NMT1: variants seen among roughly 807,000 people sequenced by gnomAD.
The protein encoded by NMT1 is N-myristoyltransferase 1.
Under a neutral mutation model 63.4 loss-of-function variants are expected in NMT1, and 12 were observed. That is an observed-to-expected ratio of 0.19 (90% CI 0.12 to 0.31). The LOEUF is 0.31. NMT1 is among the 10% of genes least tolerant of loss of function. The pLI is 1.00. For synonymous variants in NMT1, 228 were observed against 234.3 expected (o/e 0.97, Z 0.25); for missense variants, 432 against 634.6 (o/e 0.68, Z 3.43).
chr17:45,098,693 G>A (rs1284414785), intron 7 of NMT1, 141 bp downstream of exon 7: 1 of 713,052 alleles, frequency 1.4e-6, no homozygotes, highest in South Asian at 1.8e-5. Context: ...GGTGCCTGCA[G>A]GAGCCAGATG....
rs1315035585 is a variant in NMT1 at position 45,107,330 on chromosome 17, A to G, written c.*1691A>G. 2 of 152,650 alleles carry G rather than the reference A, an allele frequency of 1.3e-5. No homozygotes were observed. Among genetic ancestry groups the G allele is most frequent in the Non-Finnish European group, 2.9e-5 (2 of 68,044 alleles). 9.5% of individuals were successfully genotyped at this position (152,650 alleles called of 1,614,324 possible). A position where few individuals can be genotyped will look rare whatever the true frequency, so the allele number is the denominator to read the frequency against. On this transcript the variant is annotated 3_prime_UTR_variant, in exon 12 of 12. Transcript: ENST00000258960. Reference sequence around the variant, plus strand: ...CGCTCTGCAGACTGCTGCTAGAGCCAGCAACTCCACTAAGGTGGATTTTCA... The same window carrying G: ...CGCTCTGCAGACTGCTGCTAGAGCCGGCAACTCCACTAAGGTGGATTTTCA...
chr17:45,062,580 A>G (rs903061411), intron 1 of NMT1, among the ~76,000 whole-genome samples: 7 of 152,136 alleles, frequency 4.6e-5, no homozygotes, highest in African/African-American at 1.7e-4. Context: ...TATCCTTTCT[A>G]TGTTTAGGTA....
intron 3 of NMT1, among the ~76,000 whole-genome samples, chr17:45,090,711 G>C (rs1376320664): frequency 6.6e-6 from 1 of 152,162 alleles, no homozygotes; most frequent in Non-Finnish European, 1.5e-5. Flanking sequence ...AGAATTTTGA[G>C]GGAAGAGTGT....
intron 1 of NMT1, among the ~76,000 whole-genome samples, chr17:45,075,222 G>A (rs138859178): frequency 0.017 from 2,565 of 152,236 alleles, 56 homozygotes; most frequent in South Asian, 0.07. Flanking sequence ...GGTGGCTCAC[G>A]CCTGTAATCC....
chr17:45,070,599 AG>A (rs2053933632), intron 1 of NMT1, among the ~76,000 whole-genome samples: 1 of 152,068 alleles, frequency 6.6e-6, no homozygotes, highest in South Asian at 2.1e-4. Flanking sequence ...TTGTATTTTT[AG>A]TAGAGACGGG....
At chr17:45,098,275 C>A in intron 6 of NMT1, 107 bp from the exon 7 acceptor site, 1 of 1,029,702 alleles carries the variant, frequency 9.7e-7, no homozygotes. Context: ...TAAAAGTACA[C>A]CCGTGCTGCA....
rs1396470954 is a variant in NMT1 at position 45,105,164 on chromosome 17, T to C, written c.1470+168T>C. On this transcript the variant is annotated intron_variant, in intron 11 of 11. Coordinates refer to ENST00000258960, the MANE Select transcript of NMT1 (RefSeq NM_021079.5). The surrounding 1 kb of genome is among the most constrained non-coding windows in gnomAD (Gnocchi z 4.2). Reference sequence around the variant, plus strand: ...GCTGGCCAGACCAGCAGGTCAGCGTTCCCCTCTCAGCAACTGGTGTGAGGA... The same window carrying C: ...GCTGGCCAGACCAGCAGGTCAGCGTCCCCCTCTCAGCAACTGGTGTGAGGA... 6.6e-6 allele frequency among the ~76,000 whole-genome samples: 1 copy of C among 152,066 alleles called. No individual in the cohort carries two copies. The highest frequency in any genetic ancestry group is 1.5e-5 in the Non-Finnish European group (1 of 68,012).
At position 45,105,012 on chromosome 17, in the gene NMT1, C is replaced by T; in HGVS notation, c.1470+16C>T. The stretch of plus-strand genomic sequence containing the variant: ...GGCAGAGAAGGTAGGCGACACATAG[C>T]CAGAGTCCAGGCTGCCCGGCCCAGG... On this transcript the variant is annotated intron_variant, in intron 11 of 11. Coordinates refer to ENST00000258960, the MANE Select transcript of NMT1 (RefSeq NM_021079.5). The surrounding 1 kb of genome is among the most constrained non-coding windows in gnomAD (Gnocchi z 4.2). 6.2e-7 allele frequency: 1 copy of T among 1,613,954 alleles called. No homozygotes were observed. The highest frequency in any genetic ancestry group is 8.5e-7 in the Non-Finnish European group (1 of 1,179,960).
chr17:45,061,451 A>G lies in NMT1; in HGVS notation c.122A>G (p.Tyr41Cys), dbSNP rs756247053. ...SDCENEEDNSYNRGGLSPAND... is the reference protein window; with the variant it reads ...SDCENEEDNSCNRGGLSPAND... ...TGCGAGAATGAGGAGGACAACAGCT[A>G]CAACCGGGGGTAACGAAATCCTCGG... is the stretch of plus-strand genomic sequence containing the variant. The change falls in exon 1 of 12, where the codon TAC (tyrosine) becomes TGC (cysteine). Residue 41 changes from tyrosine to cysteine, a missense_variant. By Grantham distance (194) the Tyr-to-Cys change is radical. Coordinates refer to ENST00000258960, the MANE Select transcript of NMT1 (RefSeq NM_021079.5). 6.2e-7 allele frequency: 1 copy of G among 1,612,970 alleles called. No individual in the cohort carries two copies. Among genetic ancestry groups the G allele is most frequent in the Non-Finnish European group, 8.5e-7 (1 of 1,179,674 alleles).
chr17:45,104,002 C>G lies in NMT1; in HGVS notation c.1332+126C>G, dbSNP rs768015701. ...CTCTGAGCCCTCCTCATCTGTTCTG[C>G]TTAGGCAGGGTTCCCGCAGTTTTTA... is the stretch of plus-strand genomic sequence containing the variant. On this transcript the variant is annotated intron_variant, in intron 10 of 11. Transcript: ENST00000258960. This position sits in a 1 kb window ranked among gnomAD's most constrained non-coding sequence, Gnocchi z 4.2. 3.4e-5 allele frequency: 54 copies of G among 1,596,644 alleles called. No individual in the cohort carries two copies. Among genetic ancestry groups the G allele is most frequent in the Non-Finnish European group, 4.3e-5 (51 of 1,178,592 alleles).
chr17:45,095,823 C>A (rs911395179), intron 4 of NMT1, among the ~76,000 whole-genome samples: 3 of 152,128 alleles, frequency 2.0e-5, no homozygotes. Flanking sequence ...AAAAATCAGA[C>A]AAGGTGGGAA....
intron 1 of NMT1, among the ~76,000 whole-genome samples, chr17:45,074,040 T>G (rs541385284): frequency 1.3e-5 from 2 of 152,274 alleles, no homozygotes; most frequent in Admixed American, 6.5e-5. Flanking sequence ...GCTGTTCATC[T>G]GCCAGCTTAC....
rs889717230 is a variant in NMT1 at position 45,076,218 on chromosome 17, A to G, written c.132-5426A>G. Among the ~76,000 whole-genome samples the G allele has an allele frequency of 2.0e-5, 3 of 152,020 alleles. No homozygotes were observed. The East Asian group carries it at 5.8e-4, about 29-fold the overall frequency. On this transcript the variant is annotated intron_variant, in intron 1 of 11. Coordinates refer to ENST00000258960, the MANE Select transcript of NMT1 (RefSeq NM_021079.5). Reference sequence around the variant, plus strand: ...TTCTGTGAAGTGGCGTTGGCTTGCTAGGATGCTTTTTGAAGTTCTACTCTC... The same window carrying G: ...TTCTGTGAAGTGGCGTTGGCTTGCTGGGATGCTTTTTGAAGTTCTACTCTC...
At chr17:45,068,333 G>A (rs748118759) in intron 1 of NMT1, among the ~76,000 whole-genome samples, 32 of 152,146 alleles carry the variant, frequency 2.1e-4, no homozygotes, top group Admixed American at 1.0e-3. Flanking sequence ...TTAGCTGGGC[G>A]TGGTGGCACA....
chr17:45,103,243 T>C lies in NMT1; in HGVS notation c.1164+122T>C, dbSNP rs2054179754. Reference sequence around the variant, plus strand: ...GACTTCCTTGACCATCCGTGTTTGGTCCTCCCTAAAAACAGGGAGTTGGTG... The same window carrying C: ...GACTTCCTTGACCATCCGTGTTTGGCCCTCCCTAAAAACAGGGAGTTGGTG... On this transcript the variant is annotated intron_variant, in intron 9 of 11. Coordinates refer to ENST00000258960, the MANE Select transcript of NMT1 (RefSeq NM_021079.5). This position sits in a 1 kb window ranked among gnomAD's most constrained non-coding sequence, Gnocchi z 4.8. 5.2e-6 allele frequency: 5 copies of C among 966,476 alleles called. No homozygotes were observed. The South Asian group carries it at 6.7e-5, about 13-fold the overall frequency. 59.9% of individuals were successfully genotyped at this position (966,476 alleles called of 1,614,324 possible).
chr17:45,068,772 A>G (rs1295841937), intron 1 of NMT1, among the ~76,000 whole-genome samples: 1 of 151,624 alleles, frequency 6.6e-6, no homozygotes, highest in African/African-American at 2.4e-5. Flanking sequence ...TTAACCTCCC[A>G]AATAGCTGGG....
rs559575941 is a variant in NMT1 at position 45,068,679 on chromosome 17, C to T, written c.131+7219C>T. 4.6e-5 allele frequency among the ~76,000 whole-genome samples: 7 copies of T among 152,302 alleles called. No homozygotes were observed. The East Asian group carries it at 1.3e-3, about 29-fold the overall frequency. ...TGTTTGTTTCTTTTTTTGAGTCTCA[C>T]TCTGTCGCCCAGGCTGGAGTACAGT... On this transcript the variant is annotated intron_variant, in intron 1 of 11. Coordinates refer to ENST00000258960, the MANE Select transcript of NMT1 (RefSeq NM_021079.5).
chr17:45,070,164 G>T (rs2053930425), intron 1 of NMT1, among the ~76,000 whole-genome samples: 1 of 152,164 alleles, frequency 6.6e-6, no homozygotes, highest in African/African-American at 2.4e-5. Context: ...TACTATCCCA[G>T]GGAGGGCCGA....
chr17:45,097,907 T>G (rs187628771), intron 6 of NMT1, among the ~76,000 whole-genome samples: 1 of 152,334 alleles, frequency 6.6e-6, no homozygotes, highest in African/African-American at 2.4e-5. Flanking sequence ...CAGATTCAGA[T>G]AGTCCTTGGG....
Sources: gnomAD v4.1 joint callset for allele counts (sites outside exome capture counted in the v4.1 genomes callset) on GRCh38, gnomAD v4.1.1 for gene constraint, Gnocchi (gnomAD v3.1) non-coding constraint, MANE v1.5 for transcripts, NCBI Gene and HGNC (gene_info 2026-07-23, HGNC 2026-07-21) for gene names.